TTLL5: variants seen among roughly 807,000 people sequenced by gnomAD.
TTLL5 encodes the protein tubulin tyrosine ligase like 5.
In TTLL5, 132 loss-of-function variants were observed where a neutral mutation model predicts 168.4. That is an observed-to-expected ratio of 0.78 (90% CI 0.68 to 0.91). The LOEUF (loss-of-function observed/expected upper bound fraction) is 0.91. Ranked by LOEUF, TTLL5 falls within the 40% of genes least tolerant of loss-of-function variation. TTLL5 has a pLI of 0.00. For missense variants in TTLL5, 1,545 were observed against 1,581.5 expected, an observed-to-expected ratio of 0.98 and a Z score of 0.39; for synonymous variants, 546 against 558.6, an observed-to-expected ratio of 0.98 and a Z score of 0.32.
chr14:75,807,003 T>C (rs1444315487), intron 27 of TTLL5, among the ~76,000 whole-genome samples: 1 of 152,236 alleles, frequency 6.6e-6, no homozygotes, highest in African/African-American at 2.4e-5. Flanking sequence ...TTATTTTGCA[T>C]CTTTTCTTTC....
intron 9 of TTLL5, among the ~76,000 whole-genome samples, chr14:75,717,186 C>G (rs950901955): frequency 6.6e-6 from 1 of 152,102 alleles, no homozygotes; most frequent in African/African-American, 2.4e-5. Context: ...GCGATCACAG[C>G]TCACTGCAGC....
rs141360303 is a variant in TTLL5 at position 75,717,913 on chromosome 14, A to G, written c.793A>G (p.Met265Val). 20 of 1,613,788 alleles carry G rather than the reference A, an allele frequency of 1.2e-5. No individual in the cohort carries two copies. Among genetic ancestry groups the G allele is most frequent in the Non-Finnish European group, 1.7e-5 (20 of 1,179,934 alleles). The change falls in exon 10 of 32, where the codon ATG becomes GTG. Residue 265 changes from methionine to valine, a missense_variant. Physicochemically the swap from Met to Val is conservative, Grantham distance 21. Transcript: ENST00000298832. ...QGAKNIRNQFMHLTNYSVNKK... is the reference protein window; with the variant it reads ...QGAKNIRNQFVHLTNYSVNKK... ...AGCCAAGAACATTCGGAACCAGTTC[A>G]TGCATCTGACAAACTACAGTGTCAA...
intron 27 of TTLL5, among the ~76,000 whole-genome samples, chr14:75,807,278 A>G (rs1893713851): frequency 6.6e-6 from 1 of 151,912 alleles, no homozygotes; most frequent in African/African-American, 2.4e-5. Context: ...CAAAACCCCA[A>G]CTCCACAAAA....
intron 5 of TTLL5, 46 bp downstream of exon 5, chr14:75,683,702 A>G: frequency 1.4e-6 from 2 of 1,447,946 alleles, no homozygotes; most frequent in African/African-American, 1.4e-5. Context: ...GGTACATGAC[A>G]TTGGGGCATG....
intron 28 of TTLL5, among the ~76,000 whole-genome samples, chr14:75,824,271 A>G (rs766997839): frequency 1.1e-4 from 16 of 152,220 alleles, no homozygotes; most frequent in Non-Finnish European, 2.2e-4. Flanking sequence ...TTTTGAAGAC[A>G]TAATGTTTGA....
intron 12 of TTLL5, among the ~76,000 whole-genome samples, chr14:75,724,957 TGC>T (rs1460645087): frequency 7.9e-5 from 12 of 152,208 alleles, no homozygotes; most frequent in Non-Finnish European, 1.5e-5. Flanking sequence ...AAGATGTTGC[TGC>T]TGACAGTGGG....
intron 27 of TTLL5, among the ~76,000 whole-genome samples, chr14:75,811,171 G>GTGTGTGTGTGTGTGTGTGTGTT (rs1566614304): frequency 2.0e-5 from 3 of 146,956 alleles, no homozygotes; most frequent in Non-Finnish European, 4.6e-5. Flanking sequence ...GTGTGTGTGT[G>GTGTGTGTGTGTGTGTGTGTGTT]TGTGTGTGTG....
chr14:75,808,230 G>A (rs147589039), intron 27 of TTLL5, among the ~76,000 whole-genome samples: 7 of 152,248 alleles, frequency 4.6e-5, no homozygotes, highest in East Asian at 1.9e-4. Context: ...ATATATATAC[G>A]TATATTATGA....
intron 8 of TTLL5, 77 bp from the exon 9 acceptor site, chr14:75,707,546 T>C: frequency 2.3e-6 from 3 of 1,286,554 alleles, no homozygotes; most frequent in Non-Finnish European, 3.3e-6. Context: ...TCATGTTTCT[T>C]GGTTTCGTTG....
intron 31 of TTLL5, among the ~76,000 whole-genome samples, chr14:75,914,105 TTTTA>T (rs1429553047): frequency 6.9e-6 from 1 of 145,944 alleles, no homozygotes; most frequent in African/African-American, 2.6e-5. Context: ...TTGTTTTTGT[TTTTA>T]TTTGTGTTTT....
At chr14:75,843,605 G>A (rs1056023689) in intron 28 of TTLL5, among the ~76,000 whole-genome samples, 43 of 152,248 alleles carry the variant, frequency 2.8e-4, no homozygotes, top group African/African-American at 1.0e-3. Context: ...AAGGCAGGTA[G>A]CACTGCAGAG....
intron 28 of TTLL5, among the ~76,000 whole-genome samples, chr14:75,857,755 G>A (rs1321026764): frequency 3.3e-5 from 5 of 151,454 alleles, no homozygotes; most frequent in Admixed American, 6.6e-5. Flanking sequence ...AGGTTCAAGC[G>A]ATTCTCCTGC....
intron 29 of TTLL5, among the ~76,000 whole-genome samples, chr14:75,875,562 A>G (rs2031422706): frequency 1.3e-5 from 2 of 152,072 alleles, no homozygotes; most frequent in South Asian, 4.1e-4. Context: ...AGAAAAAAAT[A>G]TATTGTGAAC....
At chr14:75,844,452 G>A (rs1896433561) in intron 28 of TTLL5, among the ~76,000 whole-genome samples, 1 of 152,198 alleles carries the variant, frequency 6.6e-6, no homozygotes. Flanking sequence ...ATCTTTAGCA[G>A]GGGCTATTTT....
chr14:75,779,256 A>C (rs1009567209), intron 23 of TTLL5, among the ~76,000 whole-genome samples: 2 of 152,238 alleles, frequency 1.3e-5, no homozygotes, highest in East Asian at 1.9e-4. Flanking sequence ...ACTACTGAAC[A>C]CTTGAAGTGT....
At chr14:75,714,133 G>C (rs1274256530) in intron 9 of TTLL5, among the ~76,000 whole-genome samples, 1 of 151,972 alleles carries the variant, frequency 6.6e-6, no homozygotes, top group East Asian at 1.9e-4. Flanking sequence ...CTCAGTTTGG[G>C]CTTGTCTGAT....
chr14:75,816,102 G>A (rs1475821506), intron 27 of TTLL5, among the ~76,000 whole-genome samples: 1 of 152,110 alleles, frequency 6.6e-6, no homozygotes, highest in African/African-American at 2.4e-5. Context: ...TTGTAAAATG[G>A]GTAACAGTAG....
chr14:75,902,021 G>A lies in TTLL5; in HGVS notation c.3741-121G>A, dbSNP rs1023795996. On this transcript the variant is annotated intron_variant, in intron 30 of 31. Coordinates refer to ENST00000298832, the MANE Select transcript of TTLL5 (RefSeq NM_015072.5). Reference sequence around the variant, plus strand: ...GTGACATTTGAACAAAGCCTTGAAGGAAGTGAGTGAATGAGCCACAGGAGA... The same window carrying A: ...GTGACATTTGAACAAAGCCTTGAAGAAAGTGAGTGAATGAGCCACAGGAGA... The A allele has an allele frequency of 1.0e-5, 8 of 782,944 alleles. No individual in the cohort carries two copies. The African/African-American group carries it at 1.2e-4, about 12-fold the overall frequency. The allele number at this position is 782,944 out of a possible 1,614,324, so 48.5% of individuals were successfully genotyped here.
chr14:75,857,691 G>T (rs998460512), intron 28 of TTLL5, among the ~76,000 whole-genome samples: 18 of 147,162 alleles, frequency 1.2e-4, no homozygotes, highest in African/African-American at 4.3e-4. Flanking sequence ...TCACTCTGTC[G>T]CCCAGGCTGG....
Sources: gnomAD v4.1 joint callset for allele counts (sites outside exome capture counted in the v4.1 genomes callset) on GRCh38, gnomAD v4.1.1 for gene constraint, MANE v1.5 for transcripts, NCBI Gene and HGNC (gene_info 2026-07-23, HGNC 2026-07-21) for gene names.